The following PIP5K1A variants were observed in gnomAD, a reference collection of about 807,000 sequenced individuals.
PIP5K1A encodes phosphatidylinositol-4-phosphate 5-kinase type 1 alpha.
In PIP5K1A, 46 loss-of-function variants were observed where a neutral mutation model predicts 72.9. The ratio of observed to expected loss-of-function variants is 0.63; its 90% CI spans 0.50 to 0.81. The LOEUF (loss-of-function observed/expected upper bound fraction) is 0.81, where lower values mean the gene tolerates loss of function less well. Ranked by LOEUF, PIP5K1A falls within the 30% of genes least tolerant of loss-of-function variation. The pLI is 0.00. For missense variants in PIP5K1A, 458 were observed against 706.1 expected (o/e 0.65, Z 3.98); for synonymous variants, 228 against 255.1 (o/e 0.89, Z 1.01).
intron 12 of PIP5K1A, among the ~76,000 whole-genome samples, chr1:151,240,537 T>C (rs1230896495): frequency 2.0e-5 from 3 of 152,226 alleles, no homozygotes; most frequent in Non-Finnish European, 4.4e-5. Context: ...GCTGCTGCCA[T>C]AGCAAATTCT....
At chr1:151,216,435 AT>A (rs997332565) in intron 1 of PIP5K1A, among the ~76,000 whole-genome samples, 1 of 151,886 alleles carries the variant, frequency 6.6e-6, no homozygotes, top group Admixed American at 6.6e-5. Flanking sequence ...CCTTAAAAGC[AT>A]TATTTGACGC....
At chr1:151,227,698 C>G (rs1570914145) in intron 4 of PIP5K1A, among the ~76,000 whole-genome samples, 1 of 152,168 alleles carries the variant, frequency 6.6e-6, no homozygotes, top group African/African-American at 2.4e-5. Flanking sequence ...CAAGACCAAC[C>G]TGGCCAACAT....
chr1:151,200,422 G>A (rs146045372), intron 1 of PIP5K1A, among the ~76,000 whole-genome samples: 2 of 151,306 alleles, frequency 1.3e-5, no homozygotes, highest in African/African-American at 2.4e-5. Flanking sequence ...TGTGTCGGGT[G>A]GGGGGGCGGG....
In PIP5K1A at chr1:151,215,641, T is replaced by TA. The variant is rs587627754; in HGVS notation, c.86-8598dup. ...GCGCCCGGCATTCTTTTTTAAAAGATAAAAAAGTCTGGCTGCAGAGGAACC... is the reference window on the plus strand; with the variant it reads ...GCGCCCGGCATTCTTTTTTAAAAGATAAAAAAAGTCTGGCTGCAGAGGAACC... On this transcript the variant is annotated intron_variant, in intron 1 of 15. Coordinates refer to ENST00000368888, the MANE Select transcript of PIP5K1A (RefSeq NM_001135638.2). Among the ~76,000 whole-genome samples, 39 of 152,270 alleles carry TA rather than the reference T, an allele frequency of 2.6e-4. No homozygotes were observed. The East Asian group carries it at 7.1e-3, about 28-fold the overall frequency.
intron 3 of PIP5K1A, among the ~76,000 whole-genome samples, chr1:151,225,716 C>T (rs1558269663): frequency 6.6e-6 from 1 of 151,868 alleles, no homozygotes; most frequent in African/African-American, 2.4e-5. Flanking sequence ...GTGATCCACC[C>T]GCCTTGGCCT....
At chr1:151,227,145 T>C (rs1220010756) in intron 3 of PIP5K1A, 175 bp from the exon 4 acceptor site, 3 of 470,786 alleles carry the variant, frequency 6.4e-6, no homozygotes, top group East Asian at 6.6e-5. Flanking sequence ...ACTTAATTCA[T>C]TGGGAACCAA....
intron 1 of PIP5K1A, among the ~76,000 whole-genome samples, chr1:151,217,877 T>TCAAGCGATTCTCCTGCCTC (rs1374970951): frequency 6.6e-6 from 1 of 152,150 alleles, no homozygotes; most frequent in Non-Finnish European, 1.5e-5. Context: ...CCTCCTGGGT[T>TCAAGCGATTCTCCTGCCTC]CAAGCGATTC....
chr1:151,240,241 TC>T (rs1691496135), intron 12 of PIP5K1A: 1 of 560,416 alleles, frequency 1.8e-6, no homozygotes, highest in Non-Finnish European at 3.1e-6. Context: ...CCTTGGCTCT[TC>T]CTGCATATGT....
At chr1:151,238,663 T>C (rs1176184742) in intron 10 of PIP5K1A, 1 of 254,322 alleles carries the variant, frequency 3.9e-6, no homozygotes, top group Non-Finnish European at 7.6e-6. Flanking sequence ...GTAAAATGTA[T>C]TAGACTGTGG....
chr1:151,208,151 G>A (rs1033702586), intron 1 of PIP5K1A, among the ~76,000 whole-genome samples: 20 of 150,520 alleles, frequency 1.3e-4, no homozygotes, highest in African/African-American at 3.2e-4. Flanking sequence ...TGAGCCACCG[G>A]GCCCAGCTGG....
chr1:151,228,346 C>T (rs1211070743), intron 4 of PIP5K1A, among the ~76,000 whole-genome samples: 1 of 152,130 alleles, frequency 6.6e-6, no homozygotes, highest in Non-Finnish European at 1.5e-5. Context: ...GACATGATCT[C>T]GCTGTGTCGC....
rs1354588189 is a variant in PIP5K1A at position 151,215,096 on chromosome 1, T to A, written c.86-9149T>A. ...CCCAGGCTGGAGTGCAATGGCGCGA[T>A]CTCAGCTCACTGTATCCTCCGCCTC... On this transcript the variant is annotated intron_variant, in intron 1 of 15. Coordinates refer to ENST00000368888, the MANE Select transcript of PIP5K1A (RefSeq NM_001135638.2). 2.7e-5 allele frequency among the ~76,000 whole-genome samples: 4 copies of A among 149,556 alleles called. No homozygotes were observed. In the East Asian group the frequency reaches 7.9e-4, roughly 30 times the overall value.
chr1:151,222,372 G>A (rs1050458810), intron 1 of PIP5K1A, among the ~76,000 whole-genome samples: 2 of 152,210 alleles, frequency 1.3e-5, no homozygotes, highest in African/African-American at 2.4e-5. Flanking sequence ...TCCATGGAGC[G>A]ACATCGTCTC....
chr1:151,202,415 C>T (rs987151132), intron 1 of PIP5K1A, among the ~76,000 whole-genome samples: 1 of 152,206 alleles, frequency 6.6e-6, no homozygotes, highest in African/African-American at 2.4e-5. Flanking sequence ...CTGCCAACTT[C>T]CTAATTCCTC....
At chr1:151,224,880 C>A (rs937986092) in intron 3 of PIP5K1A, among the ~76,000 whole-genome samples, 2 of 152,162 alleles carry the variant, frequency 1.3e-5, no homozygotes, top group African/African-American at 4.8e-5. Flanking sequence ...TGCCTCTCCC[C>A]TGGGTTTTGT....
At chr1:151,200,852 C>T (rs1258256096) in intron 1 of PIP5K1A, among the ~76,000 whole-genome samples, 4 of 145,224 alleles carry the variant, frequency 2.8e-5, no homozygotes, top group African/African-American at 5.4e-5. Context: ...ATTTTTGAGA[C>T]GGAGTCTCGC....
Position 151,231,771 on chromosome 1 carries a change from T to C in PIP5K1A, c.338T>C (p.Phe113Ser), listed in dbSNP as rs750724768. ...GAGCGTGATGTCCTCATGCAAGATT[T>C]CTACGTGGTTGAGAGTATCTTCTTT... ...KPERDVLMQD[F>S]YVVESIFFPS... is the part of the protein sequence containing the mutation. The change falls in exon 5 of 16, where the codon TTC becomes TCC. Residue 113 changes from phenylalanine (F) to serine (S), a missense_variant. Transcript: ENST00000368888. 6.2e-7 allele frequency: 1 copy of C among 1,614,060 alleles called. No individual in the cohort carries two copies. The highest frequency in any genetic ancestry group is 8.5e-7 in the Non-Finnish European group (1 of 1,179,932).
chr1:151,242,081 C>T (rs924078899), intron 12 of PIP5K1A, 42 bp from the exon 13 acceptor site: 1 of 1,606,280 alleles, frequency 6.2e-7, no homozygotes, highest in Non-Finnish European at 8.5e-7. Flanking sequence ...GTAATAGTTG[C>T]TAAGGTAGTT....
chr1:151,232,325 A>G lies in PIP5K1A; in HGVS notation c.446A>G (p.Tyr149Cys). ...ACCTATGCACCTGTTGCCTTCCGCTACTTCCGGGAGCTATTTGGTATCCGG... is the reference window on the plus strand; with the variant it reads ...ACCTATGCACCTGTTGCCTTCCGCTGCTTCCGGGAGCTATTTGGTATCCGG... ...FKTYAPVAFR[Y>C]FRELFGIRPD... The change falls in exon 6 of 16, where the codon TAC becomes TGC. Residue 149 changes from tyrosine (Y) to cysteine (C), a missense_variant. Transcript: ENST00000368888. The G allele has an allele frequency of 6.2e-7, 1 of 1,614,078 alleles. No individual in the cohort carries two copies. The highest frequency in any genetic ancestry group is 8.5e-7 in the Non-Finnish European group (1 of 1,179,920).
Sources: allele counts gnomAD v4.1 joint callset (sites outside exome capture counted in the v4.1 genomes callset), GRCh38; gene constraint gnomAD v4.1.1; transcripts MANE v1.5; gene names NCBI Gene and HGNC (gene_info 2026-07-23, HGNC 2026-07-21).